The following SCAF11 variants were observed in gnomAD, a reference collection of about 807,000 sequenced individuals.
SCAF11 encodes the protein SR-related CTD associated factor 11, also known as protein SCAF11.
SCAF11 carries 47 observed loss-of-function variants against 140.5 expected under a neutral mutation model. The ratio of observed to expected loss-of-function variants is 0.33; its 90% CI spans 0.26 to 0.43. The LOEUF (loss-of-function observed/expected upper bound fraction) is 0.43, where lower values mean the gene tolerates loss of function less well. SCAF11 is among the 20% of genes least tolerant of loss of function. The pLI is 1.00. For synonymous variants in SCAF11, 557 were observed against 579.4 expected (o/e 0.96, Z 0.55); for missense variants, 1,645 against 1,705.1 (o/e 0.96, Z 0.62).
At position 45,988,583 on chromosome 12, in the gene SCAF11, C is replaced by T. The variant is rs182379336; in HGVS notation, c.-22+1770G>A. Among the ~76,000 whole-genome samples, 3 of 152,264 alleles carry T rather than the reference C, an allele frequency of 2.0e-5. No individual in the cohort carries two copies. The East Asian group carries it at 5.8e-4, about 29-fold the overall frequency. The stretch of plus-strand genomic sequence containing the variant: ...CCCTATTACCACATGAAGGTATTAA[C>T]AGAAAAAATTAAAAAATTATCCGTA... On this transcript the variant is annotated intron_variant, in intron 1 of 14. Transcript: ENST00000369367.
At position 45,924,849 on chromosome 12, in the gene SCAF11, G is replaced by A. The variant is rs2136497848; in HGVS notation, c.3785C>T (p.Pro1262Leu). 6.2e-7 allele frequency: 1 copy of A among 1,614,068 alleles called. No individual in the cohort carries two copies. The highest frequency in any genetic ancestry group is 1.6e-4 in the Middle Eastern group (1 of 6,062). Residue 1262 changes from proline to leucine, a missense_variant, in exon 12 of 15, where the codon CCC (proline) becomes CTC (leucine). By Grantham distance (98) the Pro-to-Leu change is moderately conservative (BLOSUM62 -3). Around this residue, in one of 2 missense-constraint regions of SCAF11, gnomAD observed 1,582 missense variants for 1,609.2 expected, o/e 0.98. Transcript: ENST00000369367. ...QLPLHLHTGV[P>L]LMQVATPTSV... The stretch of plus-strand genomic sequence containing the variant: ...GGTAGGAGTGGCTACCTGCATGAGG[G>A]GCACTCCTGTGTGGAGATGCAAGGG...
chr12:45,964,490 AC>A (rs1347229296), intron 1 of SCAF11, among the ~76,000 whole-genome samples: 1 of 152,070 alleles, frequency 6.6e-6, no homozygotes, highest in Non-Finnish European at 1.5e-5. Flanking sequence ...ACACGGTGAA[AC>A]CCTGTCTCTA....
At chr12:45,945,377 T>A in intron 5 of SCAF11, 64 bp from the exon 6 acceptor site, 1 of 913,390 alleles carries the variant, frequency 1.1e-6, no homozygotes, top group East Asian at 2.4e-5. Flanking sequence ...TCACTTATTT[T>A]CAACTCATTC....
intron 1 of SCAF11, among the ~76,000 whole-genome samples, chr12:45,968,564 T>C (rs1946001865): frequency 6.6e-6 from 1 of 151,948 alleles, no homozygotes; most frequent in African/African-American, 2.4e-5. Flanking sequence ...TAAAAATCAG[T>C]TTTTAGGAAC....
At chr12:45,930,428 G>T (rs1049063355) in intron 10 of SCAF11, among the ~76,000 whole-genome samples, 19 of 149,306 alleles carry the variant, frequency 1.3e-4, no homozygotes, top group African/African-American at 4.2e-4. Flanking sequence ...ATTAAACCAG[G>T]TTTTGCGTTG....
At chr12:45,971,152 T>C (rs1946063011) in intron 1 of SCAF11, among the ~76,000 whole-genome samples, 1 of 152,218 alleles carries the variant, frequency 6.6e-6, no homozygotes, top group Non-Finnish European at 1.5e-5. Context: ...ATTTTCCTGC[T>C]TCCTTCTTCA....
intron 4 of SCAF11, among the ~76,000 whole-genome samples, chr12:45,951,060 T>C (rs1046553470): frequency 3.2e-4 from 49 of 152,142 alleles, no homozygotes; most frequent in African/African-American, 8.9e-4. Flanking sequence ...TTTTTTCAGG[T>C]AAGCAAAAAA....
rs1386578620 is a variant in SCAF11 at position 45,974,186 on chromosome 12, A to G, written c.-21-9998T>C. On this transcript the variant is annotated intron_variant, in intron 1 of 14. Coordinates refer to ENST00000369367, the MANE Select transcript of SCAF11 (RefSeq NM_004719.3). ...AAAACTGTACATACTTGATTTAAAA[A>G]TACCTTATTGCTAAAAATGCTAACA... is the stretch of plus-strand genomic sequence containing the variant. The G allele has an allele frequency of 8.5e-6, 4 of 470,932 alleles. No individual in the cohort carries two copies. The Admixed American group carries it at 9.4e-5, about 11-fold the overall frequency. 29.2% of individuals were successfully genotyped at this position (470,932 alleles called of 1,614,324 possible). A position where few individuals can be genotyped will look rare whatever the true frequency, so the allele number is the denominator to read the frequency against.
At position 45,926,316 on chromosome 12, in the gene SCAF11, G is replaced by C. The variant is rs1270986098; in HGVS notation, c.3385C>G (p.Gln1129Glu). The C allele has an allele frequency of 6.8e-6, 11 of 1,613,992 alleles. No individual in the cohort carries two copies. Among genetic ancestry groups the C allele is most frequent in the African/African-American group, 1.3e-5 (1 of 74,882 alleles). ...GCTGGTGTATCAAATGAGAACTCCT[G>C]TTCACTTTTTCGCTTATAGGATTGC... ...EQQSYKRKSE[Q>E]EFSFDTPADR... Residue 1129 changes from glutamine (Q) to glutamate (E), a missense_variant, in exon 11 of 15, where the codon CAG becomes GAG. Transcript: ENST00000369367.
At chr12:45,977,205 T>C (rs568817646) in intron 1 of SCAF11, among the ~76,000 whole-genome samples, 8 of 152,234 alleles carry the variant, frequency 5.3e-5, no homozygotes, top group Admixed American at 3.9e-4. Flanking sequence ...ATTTATATTC[T>C]GCTCCTCATC....
chr12:45,931,656 A>ATTTT, intron 9 of SCAF11, 44 bp from the exon 10 acceptor site: 3 of 992,544 alleles, frequency 3.0e-6, no homozygotes, highest in Non-Finnish European at 4.4e-6. Flanking sequence ...GGTTTAAAAA[A>ATTTT]TTAAACCACC....
At chr12:45,936,245 A>T (rs972431922) in intron 6 of SCAF11, among the ~76,000 whole-genome samples, 12 of 151,620 alleles carry the variant, frequency 7.9e-5, no homozygotes, top group Non-Finnish European at 1.8e-4. Context: ...AGGTTCAAGC[A>T]ATTCTCCTGT....
intron 1 of SCAF11, among the ~76,000 whole-genome samples, chr12:45,986,398 C>T (rs558287283): frequency 6.6e-6 from 1 of 152,206 alleles, no homozygotes; most frequent in African/African-American, 2.4e-5. Flanking sequence ...GGTCTCAAAT[C>T]CCATCCACTG....
Position 45,926,608 on chromosome 12 carries a change from C to T in SCAF11, c.3093G>A (p.Gly1031=), listed in dbSNP as rs1459068531. 6.2e-7 allele frequency: 1 copy of T among 1,613,982 alleles called. No homozygotes were observed. The highest frequency in any genetic ancestry group is 1.7e-5 in the Admixed American group (1 of 60,010). Residue 1031 remains glycine (G), a synonymous_variant, in exon 11 of 15, where the codon GGG becomes GGA. Coordinates refer to ENST00000369367, the MANE Select transcript of SCAF11 (RefSeq NM_004719.3). ...PNWITEKINS[G]PDPRTRNPEK... ...CTGGATTTCTGGTTCTTGGATCAGGCCCAGAGTTTATTTTTTCTGTTATCC... is the reference window on the plus strand; with the variant it reads ...CTGGATTTCTGGTTCTTGGATCAGGTCCAGAGTTTATTTTTTCTGTTATCC...
chr12:45,977,949 T>TA (rs1299803532), intron 1 of SCAF11, among the ~76,000 whole-genome samples: 1 of 152,142 alleles, frequency 6.6e-6, no homozygotes, highest in Non-Finnish European at 1.5e-5. Flanking sequence ...ACCCTAATGA[T>TA]AGCATGGGTG....
chr12:45,991,088 AT>A (rs1359887320), upstream of SCAF11, among the ~76,000 whole-genome samples: 3 of 152,108 alleles, frequency 2.0e-5, no homozygotes, highest in Admixed American at 1.3e-4. Context: ...TTTGCGGTGG[AT>A]TGAGTGTTCA....
chr12:45,961,956 C>T (rs1177565554), intron 2 of SCAF11, 99 bp from the exon 3 acceptor site: 2 of 816,340 alleles, frequency 2.4e-6, no homozygotes, highest in Admixed American at 3.1e-5. Context: ...AAGGACCCTC[C>T]TACTATAAAG....
chr12:45,923,772 T>G (rs1159469160), intron 12 of SCAF11, among the ~76,000 whole-genome samples: 1 of 152,164 alleles, frequency 6.6e-6, no homozygotes, highest in Non-Finnish European at 1.5e-5. Flanking sequence ...AATCTCCGAC[T>G]ACCAGGTTCA....
At chr12:45,945,395 T>C (rs916042273) in intron 5 of SCAF11, 82 bp from the exon 6 acceptor site, 3 of 814,120 alleles carry the variant, frequency 3.7e-6, no homozygotes, top group South Asian at 1.5e-5. Flanking sequence ...TTCTCCTCCA[T>C]CAAAATGAAA....
Sources: allele counts gnomAD v4.1 joint callset (sites outside exome capture counted in the v4.1 genomes callset), GRCh38; gene constraint gnomAD v4.1.1; regional missense constraint gnomAD v4.1.1; transcripts MANE v1.5; gene names NCBI Gene and HGNC (gene_info 2026-07-23, HGNC 2026-07-21).